MTUS2: variants seen among roughly 807,000 people sequenced by gnomAD.
The protein encoded by MTUS2 is microtubule associated scaffold protein 2, also known as microtubule-associated tumor suppressor candidate 2.
A neutral mutation model predicts 114.1 loss-of-function variants in MTUS2; 40 were observed. The observed-to-expected ratio is 0.35, with a 90% CI of 0.27 to 0.46. The LOEUF is 0.46. Among genes scored for constraint, MTUS2 ranks in the 20% least tolerant of loss-of-function variants. MTUS2 has a pLI of 1.00. For synonymous variants in MTUS2, 688 were observed against 672.0 expected (o/e 1.02, Z -0.37); for missense variants, 1,679 against 1,705.4 (o/e 0.98, Z 0.27).
At chr13:28,874,301 C>T (rs976116832) in intron 2 of MTUS2, among the ~76,000 whole-genome samples, 59 of 152,174 alleles carry the variant, frequency 3.9e-4, no homozygotes, top group African/African-American at 1.3e-3. Flanking sequence ...TGCCCCGCCA[C>T]TTAATTTCAT....
Position 28,875,538 on chromosome 13 carries a change from A to T in MTUS2, c.-243+35688A>T, listed in dbSNP as rs550805741. On this transcript the variant is annotated intron_variant, in intron 2 of 15. Transcript: ENST00000612955. The stretch of plus-strand genomic sequence containing the variant: ...CATGTTAATGTTTATTTTTAAAAGA[A>T]CTGTTAGTATATGTGCTGTTGTGGA... 3.9e-5 allele frequency among the ~76,000 whole-genome samples: 6 copies of T among 152,300 alleles called. No individual in the cohort carries two copies. The South Asian group carries it at 1.2e-3, about 32-fold the overall frequency.
At chr13:29,032,838 C>G (rs1886889602) in intron 3 of MTUS2, among the ~76,000 whole-genome samples, 2 of 152,154 alleles carry the variant, frequency 1.3e-5, no homozygotes, top group African/African-American at 4.8e-5. Context: ...ATAAAATGTG[C>G]TGTGATTTAG....
chr13:29,414,334 T>C (rs1396367287), intron 8 of MTUS2, among the ~76,000 whole-genome samples: 4 of 102,334 alleles, frequency 3.9e-5, no homozygotes, highest in East Asian at 3.2e-4. Context: ...AGGGATAGCA[T>C]TGGGAGATAT....
At chr13:29,265,208 T>C (rs1049154133) in intron 5 of MTUS2, among the ~76,000 whole-genome samples, 12 of 152,232 alleles carry the variant, frequency 7.9e-5, no homozygotes, top group East Asian at 3.8e-4. Context: ...CCCTAGGGCA[T>C]GAACAGAATG....
chr13:29,241,288 C>G (rs1593209880), intron 5 of MTUS2, among the ~76,000 whole-genome samples: 1 of 152,082 alleles, frequency 6.6e-6, no homozygotes, highest in Admixed American at 6.5e-5. Context: ...TTCATGGAGA[C>G]TTTAAGTGAA....
At chr13:28,851,488 A>G (rs1199678978) in intron 2 of MTUS2, among the ~76,000 whole-genome samples, 1 of 152,222 alleles carries the variant, frequency 6.6e-6, no homozygotes, top group African/African-American at 2.4e-5. Flanking sequence ...AGTGACTACA[A>G]CATAGTGGGC....
intron 5 of MTUS2, among the ~76,000 whole-genome samples, chr13:29,211,227 G>A (rs1391174423): frequency 6.6e-6 from 1 of 152,090 alleles, no homozygotes; most frequent in Non-Finnish European, 1.5e-5. Flanking sequence ...CCTCTGCTGG[G>A]TCACGCAGGT....
intron 5 of MTUS2, among the ~76,000 whole-genome samples, chr13:29,170,373 A>T (rs545606599): frequency 6.6e-6 from 1 of 152,356 alleles, no homozygotes; most frequent in African/African-American, 2.4e-5. Context: ...TTGTGTGAGC[A>T]GTAACAAATT....
chr13:29,064,859 G>A (rs182580237), intron 4 of MTUS2, among the ~76,000 whole-genome samples: 24 of 152,136 alleles, frequency 1.6e-4, no homozygotes, highest in Non-Finnish European at 3.5e-4. Flanking sequence ...GCTGTCACTT[G>A]TAAGTGAGAA....
At chr13:29,378,947 T>A (rs1871969817) in intron 8 of MTUS2, among the ~76,000 whole-genome samples, 1 of 152,052 alleles carries the variant, frequency 6.6e-6, no homozygotes, top group Non-Finnish European at 1.5e-5. Flanking sequence ...ATGGGGGTGG[T>A]CCCCCCATGC....
At chr13:28,864,271 C>T in intron 2 of MTUS2, among the ~76,000 whole-genome samples, 1 of 152,152 alleles carries the variant, frequency 6.6e-6, no homozygotes, top group East Asian at 1.9e-4. Flanking sequence ...TAACTACATG[C>T]TCATCATAGC....
intron 9 of MTUS2, among the ~76,000 whole-genome samples, chr13:29,447,600 T>A (rs571275514): frequency 6.7e-6 from 1 of 150,106 alleles, no homozygotes; most frequent in African/African-American, 2.5e-5. Flanking sequence ...GTATCTAAAC[T>A]GTTGTCTCCA....
chr13:29,487,712 T>C, intron 10 of MTUS2, 188 bp from the exon 11 acceptor site: 2 of 608,370 alleles, frequency 3.3e-6, no homozygotes, highest in Non-Finnish European at 3.0e-6. Flanking sequence ...AAGAGCCAGG[T>C]TGTGGCAGTG....
chr13:28,899,174 A>G (rs1879479551), intron 2 of MTUS2, among the ~76,000 whole-genome samples: 1 of 152,246 alleles, frequency 6.6e-6, no homozygotes. Context: ...TTTCCTCAAT[A>G]ATAATATCTT....
At chr13:29,318,012 G>C (rs997485232) in intron 6 of MTUS2, among the ~76,000 whole-genome samples, 1 of 152,080 alleles carries the variant, frequency 6.6e-6, no homozygotes, top group Admixed American at 6.5e-5. Context: ...CTCCGTCTGC[G>C]TCTGCAATCC....
chr13:29,256,220 T>C (rs556695927), intron 5 of MTUS2, among the ~76,000 whole-genome samples: 21 of 152,302 alleles, frequency 1.4e-4, no homozygotes, highest in African/African-American at 4.8e-4. Flanking sequence ...CTTATCCCAA[T>C]GGTGGTTGGG....
rs568413145 is a variant in MTUS2, at chr13:29,139,882, C to G, written c.2644+38912C>G. Among the ~76,000 whole-genome samples the G allele has an allele frequency of 2.0e-5, 3 of 152,314 alleles. No homozygotes were observed. In the East Asian group the frequency reaches 5.8e-4, roughly 29 times the overall value. ...GGGCAAAGAGGAATAACTATCCTCC[C>G]CTTCCTCTGGCGCTCTCTCCATCAG... On this transcript the variant is annotated intron_variant, in intron 5 of 15. Coordinates refer to ENST00000612955, the MANE Select transcript of MTUS2 (RefSeq NM_001033602.4).
intron 7 of MTUS2, among the ~76,000 whole-genome samples, chr13:29,353,619 T>C (rs1376090063): frequency 6.6e-6 from 1 of 152,182 alleles, no homozygotes; most frequent in East Asian, 1.9e-4. Flanking sequence ...ATTCTTAAGC[T>C]TTTTTCTGGA....
At chr13:29,282,348 G>T (rs1020454986) in intron 6 of MTUS2, among the ~76,000 whole-genome samples, 1 of 152,232 alleles carries the variant, frequency 6.6e-6, no homozygotes, top group Non-Finnish European at 1.5e-5. Flanking sequence ...CCATGGTAGG[G>T]TTGGCTCTAG....
Sources: allele counts gnomAD v4.1 joint callset (sites outside exome capture counted in the v4.1 genomes callset), GRCh38; gene constraint gnomAD v4.1.1; transcripts MANE v1.5; gene names NCBI Gene and HGNC (gene_info 2026-07-23, HGNC 2026-07-21).